The following HNRNPR variants were observed in gnomAD, a reference collection of about 807,000 sequenced individuals.
HNRNPR encodes the protein heterogeneous nuclear ribonucleoprotein R.
A neutral mutation model predicts 70.3 loss-of-function variants in HNRNPR; 4 were observed. The observed-to-expected ratio is 0.06, with a 90% confidence interval of 0.03 to 0.13. The LOEUF is 0.13. HNRNPR is among the 10% of genes least tolerant of loss of function. The pLI, the probability that HNRNPR is intolerant of heterozygous loss-of-function variation, is 1.00. For missense variants in HNRNPR, 423 were observed against 788.5 expected (o/e 0.54, Z 5.55); for synonymous variants, 241 against 267.6 (o/e 0.90, Z 0.97).
chr1:23,335,311 C>T (rs922919488), intron 4 of HNRNPR, among the ~76,000 whole-genome samples: 3 of 152,228 alleles, frequency 2.0e-5, no homozygotes, highest in Non-Finnish European at 2.9e-5. Context: ...TGCATGCCTT[C>T]GGCCTTCCAT....
intron 2 of HNRNPR, among the ~76,000 whole-genome samples, chr1:23,340,324 A>G (rs2148494336): frequency 6.6e-6 from 1 of 151,918 alleles, no homozygotes; most frequent in African/African-American, 2.4e-5. Context: ...AAAAAAAAAA[A>G]GAAGCAGCTG....
At position 23,308,156 on chromosome 1, in the gene HNRNPR, G is replaced by A. The variant is rs1354310283; in HGVS notation, c.*2298C>T. 2.0e-5 allele frequency: 3 copies of A among 151,988 alleles called. No homozygotes were observed. 9.4% of individuals were successfully genotyped at this position (151,988 alleles called of 1,614,324 possible). A position where few individuals can be genotyped will look rare whatever the true frequency, so the allele number is the denominator to read the frequency against. On this transcript the variant is annotated 3_prime_UTR_variant, in exon 11 of 11. Transcript: ENST00000302271. ...AAACCTATAAACCAAATATTAGAGG[G>A]TACCTCTGCAAATATATTTTTAATT...
At chr1:23,330,439 G>A (rs1570048777) in intron 5 of HNRNPR, among the ~76,000 whole-genome samples, 1 of 152,102 alleles carries the variant, frequency 6.6e-6, no homozygotes, top group East Asian at 1.9e-4. Context: ...GGAGGCTCAG[G>A]CAGGAGGATC....
At chr1:23,336,415 A>T (rs1245770560) in intron 4 of HNRNPR, among the ~76,000 whole-genome samples, 1 of 151,030 alleles carries the variant, frequency 6.6e-6, no homozygotes, top group African/African-American at 2.4e-5. Context: ...AATACAAGAA[A>T]AAAAAAATTA....
intron 4 of HNRNPR, among the ~76,000 whole-genome samples, chr1:23,337,424 G>C (rs539516963): frequency 6.9e-4 from 105 of 152,216 alleles, no homozygotes; most frequent in African/African-American, 2.5e-3. Flanking sequence ...TTTGAAGGCC[G>C]AGGTGGGCGG....
Position 23,318,506 on chromosome 1 carries a change from G to C in HNRNPR, c.994C>G (p.Pro332Ala), listed in dbSNP as rs1645636253. ...ACCTTAGCCATGACTTCTGGATCTGGTTCTTCCACAGGGTCAGCCCATTCA... is the reference window on the plus strand; with the variant it reads ...ACCTTAGCCATGACTTCTGGATCTGCTTCTTCCACAGGGTCAGCCCATTCA... ...TVEWADPVEEPDPEVMAKVKV... is the reference protein window; with the variant it reads ...TVEWADPVEEADPEVMAKVKV... Residue 332 changes from proline (P) to alanine (A), a missense_variant, in exon 8 of 11, where the codon CCA (proline) becomes GCA (alanine). Physicochemically the swap from Pro to Ala is conservative, Grantham distance 27 (BLOSUM62 -1). Transcript: ENST00000302271. The surrounding 1 kb of genome is among the most constrained non-coding windows in gnomAD (Gnocchi z 4.2). The C allele has an allele frequency of 1.9e-6, 3 of 1,613,964 alleles. No individual in the cohort carries two copies. The highest frequency in any genetic ancestry group is 2.5e-6 in the Non-Finnish European group (3 of 1,180,008).
intron 2 of HNRNPR, among the ~76,000 whole-genome samples, chr1:23,340,133 AAC>A (rs2148493499): frequency 6.6e-6 from 1 of 152,306 alleles, no homozygotes; most frequent in South Asian, 2.1e-4. Context: ...AGGCACACAC[AAC>A]ACAGAGGAAG....
intron 1 of HNRNPR, among the ~76,000 whole-genome samples, chr1:23,341,636 G>GA (rs374410015): frequency 1.3e-5 from 2 of 151,578 alleles, no homozygotes; most frequent in Non-Finnish European, 2.9e-5. Context: ...AGATTTAAAA[G>GA]AAAAAATGAC....
chr1:23,334,923 G>GTT (rs922757473), intron 4 of HNRNPR, among the ~76,000 whole-genome samples: 6 of 145,382 alleles, frequency 4.1e-5, no homozygotes, highest in African/African-American at 5.0e-5. Flanking sequence ...AGTTTTTTTG[G>GTT]TTTTTTTTTT....
chr1:23,339,110 T>C lies in HNRNPR; in HGVS notation c.158-502A>G, dbSNP rs1294864021. Among the ~76,000 whole-genome samples the C allele has an allele frequency of 3.3e-5, 5 of 152,198 alleles. No homozygotes were observed. In the East Asian group the frequency reaches 5.8e-4, roughly 18 times the overall value. ...GTAATTCTTTCCACTCTCCAAAAAG[T>C]GTCAAAAGGCTTTCCCTCCTGAACA... On this transcript the variant is annotated intron_variant, in intron 2 of 10. Coordinates refer to ENST00000302271, the MANE Select transcript of HNRNPR (RefSeq NM_005826.5).
intron 4 of HNRNPR, among the ~76,000 whole-genome samples, chr1:23,335,621 T>A (rs576391760): frequency 6.6e-6 from 1 of 152,214 alleles, no homozygotes; most frequent in South Asian, 2.1e-4. Flanking sequence ...GGATCTAGGT[T>A]GCATGCTCCT....
At chr1:23,340,359 C>T (rs12094653) in intron 2 of HNRNPR, among the ~76,000 whole-genome samples, 4,152 of 151,428 alleles carry the variant, frequency 0.027, 186 homozygotes, top group African/African-American at 0.093. Context: ...TTCCAAATTA[C>T]GGAGAGATGT....
Position 23,304,844 on chromosome 1 carries a change from T to C in HNRNPR, c.*5610A>G, listed in dbSNP as rs1324072849. 4 of 152,246 alleles carry C rather than the reference T, an allele frequency of 2.6e-5. No individual in the cohort carries two copies. Among genetic ancestry groups the C allele is most frequent in the Non-Finnish European group, 5.9e-5 (4 of 68,042 alleles). 9.4% of individuals were successfully genotyped at this position (152,246 alleles called of 1,614,324 possible). On this transcript the variant is annotated 3_prime_UTR_variant, in exon 11 of 11. Transcript: ENST00000302271. The stretch of plus-strand genomic sequence containing the variant: ...AATGTCCCTATTTTGGTATTTCTTA[T>C]GTTACTATATCCATATCAGCAATTT...
intron 6 of HNRNPR, among the ~76,000 whole-genome samples, chr1:23,322,792 G>T (rs930526506): frequency 6.6e-6 from 1 of 152,152 alleles, no homozygotes; most frequent in East Asian, 1.9e-4. Flanking sequence ...GACTTAGTGA[G>T]GTCCTCAGAA....
chr1:23,318,476 T>C lies in HNRNPR; in HGVS notation c.1017+7A>G, dbSNP rs746469402. ...ACCCTATGCCCATTCCAAGCAACTGTATTTACCTTAGCCATGACTTCTGGA... is the reference window on the plus strand; with the variant it reads ...ACCCTATGCCCATTCCAAGCAACTGCATTTACCTTAGCCATGACTTCTGGA... On this transcript the variant is annotated splice_region_variant and intron_variant, in intron 8 of 10. Coordinates refer to ENST00000302271, the MANE Select transcript of HNRNPR (RefSeq NM_005826.5). The surrounding 1 kb of genome is among the most constrained non-coding windows in gnomAD (Gnocchi z 4.2). 3 of 1,610,952 alleles carry C rather than the reference T, an allele frequency of 1.9e-6. No individual in the cohort carries two copies. Among genetic ancestry groups the C allele is most frequent in the Non-Finnish European group, 2.5e-6 (3 of 1,177,116 alleles).
chr1:23,327,063 C>T (rs1353806345), intron 5 of HNRNPR, among the ~76,000 whole-genome samples: 1 of 152,106 alleles, frequency 6.6e-6, no homozygotes, highest in Non-Finnish European at 1.5e-5. Flanking sequence ...TGTTTCTCTC[C>T]CCTCCTAGCC....
chr1:23,323,788 A>G (rs1414855509), intron 5 of HNRNPR, 56 bp from the exon 6 acceptor site: 2 of 1,449,962 alleles, frequency 1.4e-6, no homozygotes, highest in Non-Finnish European at 1.9e-6. Flanking sequence ...TTAGAGCCAT[A>G]AAGCCTACTG....
chr1:23,337,195 T>C (rs1646528834), intron 4 of HNRNPR, among the ~76,000 whole-genome samples: 1 of 152,074 alleles, frequency 6.6e-6, no homozygotes. Context: ...TCCAAGAAAC[T>C]ACCAGCGAAG....
At chr1:23,337,202 G>T (rs550023247) in intron 4 of HNRNPR, among the ~76,000 whole-genome samples, 1 of 152,174 alleles carries the variant, frequency 6.6e-6, no homozygotes. Flanking sequence ...AACTACCAGC[G>T]AAGCATCAAT....
Sources: allele counts gnomAD v4.1 joint callset (sites outside exome capture counted in the v4.1 genomes callset), GRCh38; gene constraint gnomAD v4.1.1; non-coding constraint Gnocchi (gnomAD v3.1); transcripts MANE v1.5; gene names NCBI Gene and HGNC (gene_info 2026-07-23, HGNC 2026-07-21).